The following SASH1 variants were observed in gnomAD, a reference collection of about 807,000 sequenced individuals.
SASH1 encodes SAM and SH3 domain-containing protein 1.
A neutral mutation model predicts 125.2 loss-of-function variants in SASH1; 44 were observed. The ratio of observed to expected loss-of-function variants is 0.35; its 90% CI spans 0.28 to 0.45. SASH1 has a LOEUF of 0.45. Ranked by LOEUF, SASH1 falls within the 20% of genes least tolerant of loss-of-function variation. The pLI, the probability that SASH1 is intolerant of heterozygous loss-of-function variation, is 1.00. For synonymous variants in SASH1, 639 were observed against 649.1 expected (o/e 0.98, Z 0.24); for missense variants, 1,426 against 1,614.5 (o/e 0.88, Z 2.00).
At chr6:148,453,946 G>A (rs910143011) in intron 4 of SASH1, among the ~76,000 whole-genome samples, 28 of 152,174 alleles carry the variant, frequency 1.8e-4, no homozygotes, top group African/African-American at 6.8e-4. Flanking sequence ...ATCACAGCCC[G>A]TGCTGGCTGC....
chr6:148,443,143 GAAAAA>G (rs3035290), intron 4 of SASH1, among the ~76,000 whole-genome samples: 8 of 129,428 alleles, frequency 6.2e-5, no homozygotes, highest in South Asian at 2.8e-4. Context: ...GCACTTTTTA[GAAAAA>G]AAAAAAAAAA....
chr6:148,310,573 G>A (rs1307725451), intron 1 of SASH1, among the ~76,000 whole-genome samples: 1 of 152,080 alleles, frequency 6.6e-6, no homozygotes, highest in African/African-American at 2.4e-5. Flanking sequence ...CTCCTTGAAA[G>A]ATGCTATAAA....
At chr6:148,220,522 A>G in the SASH1 span, among the ~76,000 whole-genome samples, 1 of 152,234 alleles carries the variant, frequency 6.6e-6, no homozygotes, top group African/African-American at 2.4e-5. Context: ...CAGTACTCAT[A>G]TTATTACAAC....
At chr6:148,433,077 G>T (rs1776130163) in intron 2 of SASH1, among the ~76,000 whole-genome samples, 1 of 152,124 alleles carries the variant, frequency 6.6e-6, no homozygotes, top group African/African-American at 2.4e-5. Flanking sequence ...TGCTTTTGTT[G>T]TTGGATTTAT....
rs551545711 is a variant in SASH1 at position 148,337,152 on chromosome 6, G to C, written n.75-52982G>C. 1.3e-4 allele frequency among the ~76,000 whole-genome samples: 19 copies of C among 150,976 alleles called. No homozygotes were observed. The East Asian group carries it at 3.3e-3, about 26-fold the overall frequency. The stretch of plus-strand genomic sequence containing the variant: ...CGGCTCACTGCAACCTCCGCCTCTC[G>C]GGCTAAAGTGATCCTCCAGCCTCAG... On this transcript the variant is annotated intron_variant and non_coding_transcript_variant, in intron 1 of 3. Transcript: ENST00000367469.
At chr6:148,399,709 A>G (rs922203704) in intron 2 of SASH1, among the ~76,000 whole-genome samples, 1 of 152,198 alleles carries the variant, frequency 6.6e-6, no homozygotes, top group African/African-American at 2.4e-5. Flanking sequence ...GAGGAAATTG[A>G]CACTAACTGG....
rs576798745 is a variant in SASH1 at position 148,446,088 on chromosome 6, C to CTT, written c.386+5718_386+5719dup. On this transcript the variant is annotated intron_variant, in intron 4 of 19. Coordinates refer to ENST00000367467, the MANE Select transcript of SASH1 (RefSeq NM_015278.5). The stretch of plus-strand genomic sequence containing the variant: ...TTGCTATCCTGAACAACATAGGGTT[C>CTT]TTTTTTTTTTTTTTTTTTTTTTTTT... Among the ~76,000 whole-genome samples, 27 of 71,012 alleles carry CTT rather than the reference C, an allele frequency of 3.8e-4. 2 individuals carry two copies. The highest frequency in any genetic ancestry group is 5.3e-4 in the Non-Finnish European group (20 of 38,074). 46.6% of individuals were successfully genotyped at this position (71,012 alleles called of 152,430 possible).
In SASH1 at chr6:148,532,730, A is replaced by T; in HGVS notation, c.1565-67A>T. The T allele has an allele frequency of 6.4e-7, 1 of 1,572,788 alleles. No individual in the cohort carries two copies. The highest frequency in any genetic ancestry group is 8.7e-7 in the Non-Finnish European group (1 of 1,151,426). On this transcript the variant is annotated intron_variant, in intron 13 of 19. Transcript: ENST00000367467. This position sits in a 1 kb window ranked among gnomAD's most constrained non-coding sequence, Gnocchi z 4.7. ...CATTTCCTAATCTGCCATACCTTCAATACCTTTCTGCTTTGCTGGGTGGGA... is the reference window on the plus strand; with the variant it reads ...CATTTCCTAATCTGCCATACCTTCATTACCTTTCTGCTTTGCTGGGTGGGA...
At chr6:148,286,600 T>G (rs938446117) in intron 1 of SASH1, among the ~76,000 whole-genome samples, 3 of 152,118 alleles carry the variant, frequency 2.0e-5, no homozygotes, top group Admixed American at 2.0e-4. Context: ...CTCCTTGGCT[T>G]GAGGCTCGCT....
At chr6:148,398,140 C>A (rs763829976) in intron 2 of SASH1, among the ~76,000 whole-genome samples, 2 of 152,058 alleles carry the variant, frequency 1.3e-5, no homozygotes, top group South Asian at 2.1e-4. Flanking sequence ...ATGGTATAAA[C>A]GATGTGAGGG....
In SASH1 at chr6:148,529,706, C is replaced by T. The variant is rs1303600973; in HGVS notation, c.1429-1820C>T. Among the ~76,000 whole-genome samples the T allele has an allele frequency of 1.3e-5, 2 of 152,018 alleles. No individual in the cohort carries two copies. Among genetic ancestry groups the T allele is most frequent in the Non-Finnish European group, 2.9e-5 (2 of 68,018 alleles). On this transcript the variant is annotated intron_variant, in intron 12 of 19. Coordinates refer to ENST00000367467, the MANE Select transcript of SASH1 (RefSeq NM_015278.5). This position sits in a 1 kb window ranked among gnomAD's most constrained non-coding sequence, Gnocchi z 4.2. Reference sequence around the variant, plus strand: ...TGTGCTTAGTTCTGTTTTTTTAAAGCAGCCATTTCACATAAGTTAAGGAAT... The same window carrying T: ...TGTGCTTAGTTCTGTTTTTTTAAAGTAGCCATTTCACATAAGTTAAGGAAT...
rs1562414416 is a variant in SASH1, at chr6:148,443,494, A to ATATATATTTTG, written c.386+3094_386+3095insTTTGTATATAT. Among the ~76,000 whole-genome samples the ATATATATTTTG allele has an allele frequency of 4.5e-3, 659 of 147,264 alleles. 3 individuals are homozygous for ATATATATTTTG. Among genetic ancestry groups the ATATATATTTTG allele is most frequent in the African/African-American group, 0.016 (638 of 40,396 alleles). ...TATTATATATTTTTATATATATTTT[A>ATATATATTTTG]TATATATGTATGTATGTATATACAT... On this transcript the variant is annotated intron_variant, in intron 4 of 19. Coordinates refer to ENST00000367467, the MANE Select transcript of SASH1 (RefSeq NM_015278.5).
At chr6:148,338,175 C>T (rs1047589194), upstream of SASH1, among the ~76,000 whole-genome samples, 1 of 152,108 alleles carries the variant, frequency 6.6e-6, no homozygotes, top group South Asian at 2.1e-4. Flanking sequence ...GTAATCCCAC[C>T]ACTTTGGGAG....
upstream of SASH1, among the ~76,000 whole-genome samples, chr6:148,270,679 GAAAACAAA>G (rs1245312561): frequency 7.0e-6 from 1 of 143,520 alleles, no homozygotes; most frequent in Non-Finnish European, 1.6e-5. Context: ...GATTACTTTT[GAAAACAAA>G]AAAACAAAAA....
In SASH1 at chr6:148,519,441, G is replaced by T; in HGVS notation, c.863-106G>T. 1 of 788,444 alleles carries T rather than the reference G, an allele frequency of 1.3e-6. No individual in the cohort carries two copies. The allele number at this position is 788,444 out of a possible 1,614,324, so 48.8% of individuals were successfully genotyped here. ...CTGTACATATGTAAGTGGGAGCTGG[G>T]TTTATAAAGAGGGTCATGATACGGA... On this transcript the variant is annotated intron_variant, in intron 9 of 19. Coordinates refer to ENST00000367467, the MANE Select transcript of SASH1 (RefSeq NM_015278.5). This position sits in a 1 kb window ranked among gnomAD's most constrained non-coding sequence, Gnocchi z 4.8.
the SASH1 span, among the ~76,000 whole-genome samples, chr6:148,223,027 A>G: frequency 2.0e-5 from 3 of 152,346 alleles, no homozygotes; most frequent in Admixed American, 2.0e-4. Context: ...GTTATTAAAT[A>G]TGGTCATCAT....
upstream of SASH1, among the ~76,000 whole-genome samples, chr6:148,340,218 C>T (rs1397752235): frequency 6.6e-6 from 1 of 152,128 alleles, no homozygotes; most frequent in African/African-American, 2.4e-5. Context: ...GGCACGGTGG[C>T]TCATGCCTGT....
intron 2 of SASH1, among the ~76,000 whole-genome samples, chr6:148,429,642 C>T (rs1775981001): frequency 6.6e-6 from 1 of 151,880 alleles, no homozygotes; most frequent in South Asian, 2.1e-4. Context: ...GCTTGGGAGC[C>T]TCAGGCGGGA....
intron 1 of SASH1, among the ~76,000 whole-genome samples, chr6:148,358,855 C>T (rs7382204): frequency 0.21 from 31,480 of 150,750 alleles, 3,715 homozygotes; most frequent in Middle Eastern, 0.29. Flanking sequence ...CCTGCCTCAG[C>T]CTCCCGAGTA....
Sources: gnomAD v4.1 joint callset for allele counts (sites outside exome capture counted in the v4.1 genomes callset) on GRCh38, gnomAD v4.1.1 for gene constraint, Gnocchi (gnomAD v3.1) non-coding constraint, MANE v1.5 for transcripts, NCBI Gene and HGNC (gene_info 2026-07-23, HGNC 2026-07-21) for gene names.